The following EYA4 variants were observed in gnomAD, a reference collection of about 807,000 sequenced individuals.
The protein encoded by EYA4 is protein phosphatase EYA4.
In EYA4, 31 loss-of-function variants were observed where a neutral mutation model predicts 87.9. The observed-to-expected ratio is 0.35, with a 90% CI of 0.27 to 0.48. EYA4 has a LOEUF of 0.48. Ranked by LOEUF, EYA4 falls within the 20% of genes least tolerant of loss-of-function variation. EYA4 has a pLI of 0.99. For missense variants in EYA4, 678 were observed against 761.4 expected (o/e 0.89, Z 1.29); for synonymous variants, 263 against 270.6 (o/e 0.97, Z 0.28).
chr6:133,350,241 T>C (rs1216597831), intron 2 of EYA4, among the ~76,000 whole-genome samples: 1 of 152,092 alleles, frequency 6.6e-6, no homozygotes, highest in Non-Finnish European at 1.5e-5. Flanking sequence ...GTTACAAGAA[T>C]GAAGACAAAA....
At chr6:133,356,861 G>C (rs1175212434) in intron 2 of EYA4, among the ~76,000 whole-genome samples, 1 of 150,960 alleles carries the variant, frequency 6.6e-6, no homozygotes, top group East Asian at 2.0e-4. Context: ...GGAATGCAAT[G>C]GCATGATCTC....
rs552396129 is a variant in EYA4, at chr6:133,349,187, T to C, written c.34-33205T>C. The stretch of plus-strand genomic sequence containing the variant: ...GCCCCTTCGGGTGTTTTCCAAAATA[T>C]CTTTTGAATAAAGCTTTCCCTGACT... On this transcript the variant is annotated intron_variant, in intron 2 of 19. Coordinates refer to ENST00000355286, the MANE Select transcript of EYA4 (RefSeq NM_004100.5). Among the ~76,000 whole-genome samples the C allele has an allele frequency of 8.5e-5, 13 of 152,352 alleles. No individual in the cohort carries two copies. In the East Asian group the frequency reaches 1.7e-3, roughly 20 times the overall value.
chr6:133,393,609 T>G (rs159419), intron 3 of EYA4, among the ~76,000 whole-genome samples: 10,504 of 152,264 alleles, frequency 0.069, 538 homozygotes, highest in Non-Finnish European at 0.11. Flanking sequence ...GTGGCTAGAA[T>G]AGAGTGAGCC....
chr6:133,431,725 G>C (rs1311124915), intron 3 of EYA4, among the ~76,000 whole-genome samples: 4 of 152,098 alleles, frequency 2.6e-5, no homozygotes, highest in Non-Finnish European at 2.9e-5. Flanking sequence ...TATATGGCAG[G>C]TATTTTTGTC....
intron 4 of EYA4, among the ~76,000 whole-genome samples, chr6:133,447,419 AT>A (rs1166498530): frequency 6.6e-6 from 1 of 152,150 alleles, no homozygotes; most frequent in Admixed American, 6.5e-5. Flanking sequence ...ATATGGTCCA[AT>A]TTTTATATCA....
At position 133,430,050 on chromosome 6, in the gene EYA4, T is replaced by C. The variant is rs114580416; in HGVS notation, c.84-16580T>C. The stretch of plus-strand genomic sequence containing the variant: ...CCCACCTCGATTAGTCCCTAGTGTC[T>C]ATTGTTCCCATCTTTATGTCCATGA... On this transcript the variant is annotated intron_variant, in intron 3 of 19. Coordinates refer to ENST00000355286, the MANE Select transcript of EYA4 (RefSeq NM_004100.5). Among the ~76,000 whole-genome samples, 866 of 152,294 alleles carry C rather than the reference T, an allele frequency of 5.7e-3. 6 individuals carry two copies. Among genetic ancestry groups the C allele is most frequent in the African/African-American group, 0.019 (786 of 41,562 alleles).
intron 3 of EYA4, among the ~76,000 whole-genome samples, chr6:133,405,433 A>G (rs898825031): frequency 1.3e-5 from 2 of 152,204 alleles, no homozygotes; most frequent in African/African-American, 4.8e-5. Flanking sequence ...ACTCAAGGCC[A>G]TCTACTAACT....
At chr6:133,475,091 T>TCA in intron 11 of EYA4, among the ~76,000 whole-genome samples, 1 of 152,096 alleles carries the variant, frequency 6.6e-6, no homozygotes, top group Non-Finnish European at 1.5e-5. Context: ...AGGGCAATTT[T>TCA]GTAATGACTG....
intron 1 of EYA4, chr6:133,244,952 A>G (rs1774285795): frequency 6.6e-6 from 1 of 152,152 alleles, no homozygotes; most frequent in African/African-American, 2.4e-5. Flanking sequence ...AAATAATCAA[A>G]CTTATTTTGC....
intron 3 of EYA4, among the ~76,000 whole-genome samples, chr6:133,391,211 G>GTTT (rs1554246192): frequency 7.6e-5 from 4 of 52,804 alleles, no homozygotes; most frequent in South Asian, 9.8e-4. Context: ...TATTTTTTGG[G>GTTT]TTTTGTTTTT....
At chr6:133,372,949 T>G (rs1409410720) in intron 2 of EYA4, among the ~76,000 whole-genome samples, 2 of 151,976 alleles carry the variant, frequency 1.3e-5, no homozygotes, top group Non-Finnish European at 2.9e-5. Flanking sequence ...TTTTTAAAGT[T>G]TAGGCATATA....
In EYA4 at chr6:133,529,453, T is replaced by C; in HGVS notation, c.*648T>C. Reference sequence around the variant, plus strand: ...CAAACAGAATGTTCATACTGATGTGTTGTGCCTTAAAGACAAGACAGCATT... The same window carrying C: ...CAAACAGAATGTTCATACTGATGTGCTGTGCCTTAAAGACAAGACAGCATT... On this transcript the variant is annotated 3_prime_UTR_variant, in exon 20 of 20. Transcript: ENST00000355286. The C allele has an allele frequency of 1.0e-6, 1 of 987,668 alleles. No homozygotes were observed. Among genetic ancestry groups the C allele is most frequent in the Non-Finnish European group, 1.2e-6 (1 of 831,116 alleles). 61.2% of individuals were successfully genotyped at this position (987,668 alleles called of 1,614,324 possible).
At chr6:133,316,703 C>A (rs183845612) in intron 2 of EYA4, among the ~76,000 whole-genome samples, 38 of 152,316 alleles carry the variant, frequency 2.5e-4, no homozygotes, top group African/African-American at 8.7e-4. Context: ...CCAACAGATG[C>A]ATAAAGTGTC....
intron 3 of EYA4, among the ~76,000 whole-genome samples, chr6:133,388,297 C>T (rs756842893): frequency 6.6e-5 from 10 of 151,254 alleles, no homozygotes; most frequent in African/African-American, 9.7e-5. Flanking sequence ...ATCCCAGCTA[C>T]TTGGGAGGCT....
At chr6:133,456,794 A>G (rs1256624479) in intron 6 of EYA4, 146 bp downstream of exon 6, 1 of 633,078 alleles carries the variant, frequency 1.6e-6, no homozygotes, top group Non-Finnish European at 2.8e-6. Flanking sequence ...TTGAGAACTC[A>G]TAGTCATAGC....
At chr6:133,259,202 T>A (rs1379327071) in intron 1 of EYA4, among the ~76,000 whole-genome samples, 1 of 152,178 alleles carries the variant, frequency 6.6e-6, no homozygotes, top group African/African-American at 2.4e-5. Flanking sequence ...GATTTTTTTT[T>A]AAATTGAAGA....
chr6:133,431,315 C>G (rs1388570227), intron 3 of EYA4, among the ~76,000 whole-genome samples: 1 of 152,172 alleles, frequency 6.6e-6, no homozygotes, highest in Non-Finnish European at 1.5e-5. Context: ...GGTTATCACT[C>G]TAACTGCCTT....
chr6:133,339,592 T>C (rs967182690), intron 2 of EYA4, among the ~76,000 whole-genome samples: 3 of 152,150 alleles, frequency 2.0e-5, no homozygotes, highest in Non-Finnish European at 2.9e-5. Flanking sequence ...TTGGAAAAAT[T>C]AGGCTCTGAA....
chr6:133,481,123 C>G (rs1796182223), intron 11 of EYA4, among the ~76,000 whole-genome samples: 1 of 151,766 alleles, frequency 6.6e-6, no homozygotes, highest in African/African-American at 2.4e-5. Flanking sequence ...TGGAATTGAT[C>G]CAGAAGAAGA....
Sources: gnomAD v4.1 joint callset for allele counts (sites outside exome capture counted in the v4.1 genomes callset) on GRCh38, gnomAD v4.1.1 for gene constraint, MANE v1.5 for transcripts, NCBI Gene and HGNC (gene_info 2026-07-23, HGNC 2026-07-21) for gene names.